The following CBFA2T3 variants were observed in gnomAD, a reference collection of about 807,000 sequenced individuals.
CBFA2T3 encodes the protein transcriptional corepressor CBFA2T3.
In CBFA2T3, 31 loss-of-function variants were observed where a neutral mutation model predicts 58.6. That is an observed-to-expected ratio of 0.53 (90% confidence interval 0.40 to 0.71). CBFA2T3 has a LOEUF of 0.71. Among genes scored for constraint, CBFA2T3 ranks in the 30% least tolerant of loss-of-function variants. The probability of loss-of-function intolerance (pLI) is 0.00; values close to 1 mark genes in which losing one functional copy is unlikely to be tolerated. For synonymous variants in CBFA2T3, 531 were observed against 421.9 expected, an observed-to-expected ratio of 1.26 and a Z score of -3.17; for missense variants, 1,076 against 963.1, an observed-to-expected ratio of 1.12 and a Z score of -1.55.
chr16:88,937,766 A>G (rs1971554359), intron 1 of CBFA2T3: 1 of 152,264 alleles, frequency 6.6e-6, no homozygotes, highest in African/African-American at 2.4e-5. Context: ...TGTTCGATCA[A>G]TACTTGCCCA....
intron 1 of CBFA2T3, among the ~76,000 whole-genome samples, chr16:88,927,000 G>A (rs544952): frequency 0.074 from 11,329 of 152,198 alleles, 882 homozygotes; most frequent in African/African-American, 0.2. Context: ...CCTGGCACGC[G>A]TGGTCCTTCC....
intron 4 of CBFA2T3, 116 bp from the exon 5 acceptor site, chr16:88,892,087 C>T: frequency 1.5e-6 from 2 of 1,355,160 alleles, no homozygotes; most frequent in South Asian, 2.5e-5. Context: ...AGCCCAGGAG[C>T]TGGGCACGGC....
chr16:88,877,337 C>T (rs1968878636), intron 11 of CBFA2T3, 62 bp from the exon 12 acceptor site: 1 of 1,391,290 alleles, frequency 7.2e-7, no homozygotes. Context: ...CCAACACACG[C>T]CTCAACCAAG....
intron 7 of CBFA2T3, chr16:88,884,522 G>T (rs996256160): frequency 6.5e-6 from 1 of 152,736 alleles, no homozygotes; most frequent in Non-Finnish European, 1.5e-5. Context: ...GCTCAGAAAC[G>T]AGTGAAGGAT....
chr16:88,897,555 C>T (rs989560284), intron 3 of CBFA2T3, among the ~76,000 whole-genome samples: 3 of 152,226 alleles, frequency 2.0e-5, no homozygotes, highest in Non-Finnish European at 1.5e-5. Context: ...AGCATGTGCC[C>T]GGCCCCACCA....
At chr16:88,908,171 G>A (rs755281069) in intron 1 of CBFA2T3, among the ~76,000 whole-genome samples, 12 of 152,080 alleles carry the variant, frequency 7.9e-5, no homozygotes, top group South Asian at 4.1e-4. Flanking sequence ...GTGAAACCCC[G>A]TCTCTACTAA....
At chr16:88,963,458 G>A (rs569783772) in intron 1 of CBFA2T3, among the ~76,000 whole-genome samples, 5 of 151,876 alleles carry the variant, frequency 3.3e-5, no homozygotes, top group East Asian at 1.9e-4. Flanking sequence ...CACTGACAAC[G>A]TTCTGCAACC....
At chr16:88,961,065 G>A (rs1972342148) in intron 1 of CBFA2T3, among the ~76,000 whole-genome samples, 1 of 152,226 alleles carries the variant, frequency 6.6e-6, no homozygotes, top group African/African-American at 2.4e-5. Flanking sequence ...ACCTGTCTGA[G>A]GTCTCGCTGT....
chr16:88,956,434 C>T (rs1170725131), intron 1 of CBFA2T3, among the ~76,000 whole-genome samples: 1 of 152,242 alleles, frequency 6.6e-6, no homozygotes, highest in Non-Finnish European at 1.5e-5. Context: ...TGACCCTGCT[C>T]CCCCAGGCTC....
intron 1 of CBFA2T3, among the ~76,000 whole-genome samples, chr16:88,969,590 G>C (rs1972597889): frequency 2.6e-5 from 4 of 152,250 alleles, no homozygotes. Context: ...TTCCCACCAT[G>C]GTCGGGTCCA....
chr16:88,901,681 G>T, intron 1 of CBFA2T3, 25 bp from the exon 2 acceptor site: 5 of 1,517,262 alleles, frequency 3.3e-6, no homozygotes, highest in Non-Finnish European at 4.4e-6. Flanking sequence ...GAAAGAAAGA[G>T]TCGGTGAAGC....
chr16:88,976,317 AC>A (rs565817303), intron 1 of CBFA2T3, among the ~76,000 whole-genome samples: 16 of 151,180 alleles, frequency 1.1e-4, no homozygotes, highest in Non-Finnish European at 1.3e-4. Context: ...TCTTTCTAGG[AC>A]CCCCCCATCA....
chr16:88,908,983 C>G (rs1567600313), intron 1 of CBFA2T3, among the ~76,000 whole-genome samples: 2 of 152,164 alleles, frequency 1.3e-5, no homozygotes, highest in African/African-American at 4.8e-5. Flanking sequence ...GGATCCGATC[C>G]TCTCCGTGGG....
intron 1 of CBFA2T3, among the ~76,000 whole-genome samples, chr16:88,947,103 A>T (rs928830431): frequency 6.6e-6 from 1 of 152,252 alleles, no homozygotes; most frequent in Non-Finnish European, 1.5e-5. Flanking sequence ...GTTAATGAAA[A>T]GGTGTCAGTA....
At chr16:88,891,219 C>T (rs1304460656) in intron 5 of CBFA2T3, among the ~76,000 whole-genome samples, 1 of 152,094 alleles carries the variant, frequency 6.6e-6, no homozygotes, top group Non-Finnish European at 1.5e-5. Context: ...CTGTTCCAGT[C>T]ACACTGACCC....
chr16:88,892,169 T>C, intron 4 of CBFA2T3, 75 bp downstream of exon 4: 1 of 1,531,670 alleles, frequency 6.5e-7, no homozygotes, highest in East Asian at 2.3e-5. Flanking sequence ...ATGTAAGGAG[T>C]GGCCGTGGCT....
intron 4 of CBFA2T3, 56 bp from the exon 5 acceptor site, chr16:88,892,027 C>G: frequency 6.7e-7 from 1 of 1,486,412 alleles, no homozygotes; most frequent in Admixed American, 1.7e-5. Flanking sequence ...GAGCCAGCGC[C>G]GACCCACCCA....
At chr16:88,884,467 C>T (rs559073639) in intron 7 of CBFA2T3, among the ~76,000 whole-genome samples, 1 of 152,300 alleles carries the variant, frequency 6.6e-6, no homozygotes, top group East Asian at 1.9e-4. Context: ...AGGCCTCAGT[C>T]TCCTCATCTG....
intron 7 of CBFA2T3, chr16:88,884,830 A>C (rs1193890104): frequency 4.3e-6 from 2 of 467,670 alleles, no homozygotes; most frequent in South Asian, 3.6e-5. Context: ...GAGGCCGCCC[A>C]CCCCGGGGGG....
Sources: gnomAD v4.1 joint callset for allele counts (sites outside exome capture counted in the v4.1 genomes callset) on GRCh38, gnomAD v4.1.1 for gene constraint, MANE v1.5 for transcripts, NCBI Gene and HGNC (gene_info 2026-07-23, HGNC 2026-07-21) for gene names.